Variants in VPS8 observed in about 807,000 individuals in gnomAD.
VPS8 encodes VPS8 subunit of CORVET complex, also known as vacuolar protein sorting-associated protein 8 homolog.
A neutral mutation model predicts 216.4 loss-of-function variants in VPS8; 129 were observed. That is an observed-to-expected ratio of 0.60 (90% CI 0.52 to 0.69). The LOEUF is 0.69. Among genes scored for constraint, VPS8 ranks in the 30% least tolerant of loss-of-function variants. VPS8 has a pLI of 0.00. For missense variants in VPS8, 1,531 were observed against 1,683.5 expected, an observed-to-expected ratio of 0.91 and a Z score of 1.59; for synonymous variants, 571 against 565.4, an observed-to-expected ratio of 1.01 and a Z score of -0.14.
At chr3:184,848,778 A>G (rs1160395888) in intron 8 of VPS8, among the ~76,000 whole-genome samples, 1 of 151,998 alleles carries the variant, frequency 6.6e-6, no homozygotes, top group Admixed American at 6.6e-5. Context: ...CATGTTGGCC[A>G]GCCTGGTCTC....
chr3:184,917,204 A>G (rs1737744736), intron 28 of VPS8, among the ~76,000 whole-genome samples: 1 of 152,224 alleles, frequency 6.6e-6, no homozygotes, highest in Admixed American at 6.5e-5. Context: ...AAGGGTAGGA[A>G]AAAACATTGT....
At chr3:184,939,496 A>G (rs917035852) in intron 35 of VPS8, among the ~76,000 whole-genome samples, 4 of 151,812 alleles carry the variant, frequency 2.6e-5, no homozygotes, top group African/African-American at 9.7e-5. Flanking sequence ...TTGAAGGTTT[A>G]TCTCATTTAA....
intron 46 of VPS8, among the ~76,000 whole-genome samples, chr3:185,042,610 C>T (rs529043181): frequency 1.3e-5 from 2 of 152,190 alleles, no homozygotes; most frequent in East Asian, 1.9e-4. Context: ...TGGCAGCATC[C>T]GGCAGTGATT....
At chr3:184,959,967 T>A (rs2109503772) in intron 37 of VPS8, among the ~76,000 whole-genome samples, 1 of 152,246 alleles carries the variant, frequency 6.6e-6, no homozygotes, top group Non-Finnish European at 1.5e-5. Flanking sequence ...TAGGTATATC[T>A]CCTAATGCTA....
chr3:184,827,355 G>C (rs1719019901), intron 3 of VPS8, among the ~76,000 whole-genome samples: 1 of 152,178 alleles, frequency 6.6e-6, no homozygotes, highest in Non-Finnish European at 1.5e-5. Context: ...TCTAACTTCA[G>C]AAGTGTCCTA....
At position 184,962,724 on chromosome 3, in the gene VPS8, AGTGTGTGTGTGTGT is replaced by A. The variant is rs10562348; in HGVS notation, c.3184-1715_3184-1702del. Among the ~76,000 whole-genome samples, 1,201 of 145,898 alleles carry A rather than the reference AGTGTGTGTGTGTGT, an allele frequency of 8.2e-3. 20 individuals are homozygous for A. The highest frequency in any genetic ancestry group is 0.028 in the African/African-American group (1,105 of 38,844). Reference sequence around the variant, plus strand: ...TTAGTTTACCATTCTTTAAGGCTTAAGTGTGTGTGTGTGTGTGTGTGTGTGTGTGTGTGTGTGTG... The same window carrying A: ...TTAGTTTACCATTCTTTAAGGCTTAAGTGTGTGTGTGTGTGTGTGTGTGTG... On this transcript the variant is annotated intron_variant, in intron 37 of 47. Coordinates refer to ENST00000625842, the MANE Select transcript of VPS8 (RefSeq NM_001009921.3).
At chr3:185,004,250 G>C (rs1056400068) in intron 45 of VPS8, among the ~76,000 whole-genome samples, 3 of 152,254 alleles carry the variant, frequency 2.0e-5, no homozygotes, top group Admixed American at 6.5e-5. Context: ...GGCCGAGGCT[G>C]GCGGATCACT....
At chr3:185,024,876 C>A (rs560642164) in intron 46 of VPS8, among the ~76,000 whole-genome samples, 2 of 152,056 alleles carry the variant, frequency 1.3e-5, no homozygotes, top group African/African-American at 4.8e-5. Flanking sequence ...GTGGTGCATG[C>A]CTGTAATCCC....
intron 3 of VPS8, among the ~76,000 whole-genome samples, 173 bp downstream of exon 3, chr3:184,826,404 T>C (rs563447922): frequency 6.6e-6 from 1 of 152,336 alleles, no homozygotes; most frequent in East Asian, 1.9e-4. Flanking sequence ...TTTAATTCCT[T>C]GGCTGCACAA....
At chr3:185,015,904 G>C (rs1231520603) in intron 45 of VPS8, among the ~76,000 whole-genome samples, 1 of 152,224 alleles carries the variant, frequency 6.6e-6, no homozygotes, top group Admixed American at 6.5e-5. Context: ...ATTCCACTAA[G>C]TCCTGCTCTT....
chr3:184,911,063 A>G (rs533239986), intron 25 of VPS8, among the ~76,000 whole-genome samples: 6 of 152,330 alleles, frequency 3.9e-5, no homozygotes, highest in African/African-American at 1.4e-4. Flanking sequence ...CTCTACCAGA[A>G]ATGAAAGTGG....
At chr3:184,922,229 G>C (rs1738762961) in intron 29 of VPS8, among the ~76,000 whole-genome samples, 1 of 152,074 alleles carries the variant, frequency 6.6e-6, no homozygotes, top group African/African-American at 2.4e-5. Context: ...AAACTGTTTT[G>C]AACGCTCTCC....
chr3:185,009,985 C>CAAA (rs11367805), intron 45 of VPS8, among the ~76,000 whole-genome samples: 3 of 91,388 alleles, frequency 3.3e-5, no homozygotes, highest in Non-Finnish European at 6.9e-5. Flanking sequence ...ACTTCAGGTC[C>CAAA]AAAAAAAAAA....
chr3:184,839,807 A>G (rs1381337833), intron 7 of VPS8, 55 bp downstream of exon 7: 6 of 1,551,196 alleles, frequency 3.9e-6, no homozygotes, highest in African/African-American at 1.4e-5. Context: ...TTTGGGTTTT[A>G]TAATGTCCTT....
intron 46 of VPS8, among the ~76,000 whole-genome samples, chr3:185,031,086 T>G (rs1577223851): frequency 6.7e-6 from 1 of 149,416 alleles, no homozygotes; most frequent in East Asian, 1.9e-4. Flanking sequence ...TTTTTTTTTT[T>G]TTTTTAAGGG....
intron 36 of VPS8, among the ~76,000 whole-genome samples, chr3:184,953,679 A>G (rs576965758): frequency 2.7e-4 from 41 of 152,292 alleles, no homozygotes; most frequent in Non-Finnish European, 4.6e-4. Context: ...TTCTACAGGG[A>G]ATCAAACATC....
intron 24 of VPS8, 84 bp from the exon 25 acceptor site, chr3:184,900,837 G>T: frequency 8.6e-7 from 1 of 1,163,014 alleles, no homozygotes; most frequent in Non-Finnish European, 1.2e-6. Context: ...ATTAGCGAAT[G>T]GTGATGAATA....
chr3:184,981,872 C>T (rs1186760975), intron 40 of VPS8, among the ~76,000 whole-genome samples: 1 of 152,046 alleles, frequency 6.6e-6, no homozygotes, highest in Non-Finnish European at 1.5e-5. Flanking sequence ...GAAGATAATA[C>T]CTACTGTATA....
chr3:184,849,605 C>T (rs2108649604), intron 9 of VPS8: 1 of 298,016 alleles, frequency 3.4e-6, no homozygotes, highest in Non-Finnish European at 6.2e-6. Context: ...ATTCATACAT[C>T]ACTAGCTAGT....
Sources: allele counts gnomAD v4.1 joint callset (sites outside exome capture counted in the v4.1 genomes callset), GRCh38; gene constraint gnomAD v4.1.1; transcripts MANE v1.5; gene names NCBI Gene and HGNC (gene_info 2026-07-23, HGNC 2026-07-21).